Variants in BPHL observed in about 807,000 individuals in gnomAD.
BPHL encodes biphenyl hydrolase like, also known as serine hydrolase BPHL.
Under a neutral mutation model 31.2 loss-of-function variants are expected in BPHL, and 27 were observed. That is an observed-to-expected ratio of 0.87 (90% confidence interval 0.64 to 1.19). BPHL has a LOEUF of 1.19. Among genes scored for constraint, BPHL ranks in the 50% most tolerant of loss-of-function variants. The pLI is 0.00. For synonymous variants in BPHL, 150 were observed against 146.8 expected, an observed-to-expected ratio of 1.02 and a Z score of -0.16; for missense variants, 356 against 375.7, an observed-to-expected ratio of 0.95 and a Z score of 0.43.
chr6:3,126,444 G>A (rs758997965), intron 2 of BPHL, among the ~76,000 whole-genome samples: 3 of 152,150 alleles, frequency 2.0e-5, no homozygotes, highest in African/African-American at 7.2e-5. Context: ...TTTAGAAAAG[G>A]AAGATTAAGC....
chr6:3,128,405 C>G (rs1387710382), intron 3 of BPHL, among the ~76,000 whole-genome samples: 1 of 152,200 alleles, frequency 6.6e-6, no homozygotes, highest in Non-Finnish European at 1.5e-5. Flanking sequence ...CAGCAAATAT[C>G]TTGGAGTAAT....
intron 4 of BPHL, among the ~76,000 whole-genome samples, chr6:3,135,031 C>T (rs534069167): frequency 3.3e-5 from 5 of 152,310 alleles, no homozygotes; most frequent in African/African-American, 4.8e-5. Context: ...GCCACCATGC[C>T]GCCCGGCCTC....
chr6:3,151,637 C>T (rs2143379), intron 6 of BPHL, among the ~76,000 whole-genome samples: 12,857 of 152,250 alleles, frequency 0.084, 792 homozygotes, highest in African/African-American at 0.17. Context: ...CTTTTAATGT[C>T]TAATTATCAT....
intron 6 of BPHL, among the ~76,000 whole-genome samples, chr6:3,143,094 C>G (rs1244178256): frequency 2.6e-5 from 4 of 152,092 alleles, no homozygotes; most frequent in Admixed American, 6.5e-5. Flanking sequence ...TCGTGGGCAC[C>G]CGTAATCCCA....
intron 5 of BPHL, chr6:3,137,898 T>A (rs2113763829): frequency 1.1e-6 from 1 of 916,212 alleles, no homozygotes; most frequent in African/African-American, 1.8e-5. Flanking sequence ...TAGATGTGTC[T>A]CCCCACGAGG....
intron 6 of BPHL, among the ~76,000 whole-genome samples, chr6:3,147,647 T>C (rs1581489449): frequency 1.3e-5 from 2 of 152,172 alleles, no homozygotes; most frequent in East Asian, 3.9e-4. Flanking sequence ...CGTATATGTG[T>C]GTATGTATAT....
chr6:3,123,126 A>T (rs1298759892), intron 1 of BPHL, among the ~76,000 whole-genome samples: 1 of 152,256 alleles, frequency 6.6e-6, no homozygotes, highest in Non-Finnish European at 1.5e-5. Flanking sequence ...TGGGCACAAT[A>T]GCGTATTCAA....
In BPHL at chr6:3,127,256, G is replaced by C. The variant is rs770340688; in HGVS notation, c.226G>C (p.Asp76His). 2 of 1,557,748 alleles carry C rather than the reference G, an allele frequency of 1.3e-6. No homozygotes were observed. The highest frequency in any genetic ancestry group is 1.7e-4 in the Middle Eastern group (1 of 5,808). The change falls in exon 3 of 7, where the codon GAT becomes CAT. Residue 76 changes from aspartate to histidine, a missense_variant. By Grantham distance (81) the Asp-to-His change is moderately conservative. Coordinates refer to ENST00000380379, the MANE Select transcript of BPHL (RefSeq NM_004332.4). ...LPGMLGSGETDFGPQLKNLNK... is the reference protein window; with the variant it reads ...LPGMLGSGETHFGPQLKNLNK... ...GCTGTTTTTAGGAAGTGGAGAGACT[G>C]ATTTTGGACCTCAGCTCAAGAACCT... is the stretch of plus-strand genomic sequence containing the variant.
chr6:3,145,183 G>T (rs1487232686), intron 6 of BPHL, among the ~76,000 whole-genome samples: 4 of 23,880 alleles, frequency 1.7e-4, no homozygotes, highest in Admixed American at 2.9e-4. Flanking sequence ...TGCTGGTTCG[G>T]GGTGGAGTGC....
chr6:3,119,302 A>C (rs1056110892), intron 1 of BPHL: 1 of 1,546,150 alleles, frequency 6.5e-7, no homozygotes, highest in East Asian at 2.4e-5. Flanking sequence ...CCTGAGCCTG[A>C]GTACCGCTAA....
chr6:3,126,486 A>C (rs1214384061), intron 2 of BPHL, among the ~76,000 whole-genome samples: 1 of 152,182 alleles, frequency 6.6e-6, no homozygotes, highest in East Asian at 1.9e-4. Flanking sequence ...GAAATAATAC[A>C]GAAGCAAAGG....
rs201207918 is a variant in BPHL at position 3,129,209 on chromosome 6, C to A, written c.532+11C>A. On this transcript the variant is annotated intron_variant, in intron 4 of 6. Transcript: ENST00000380379. ...GCATGATATATGAGGGTAGGTTCTGCGAAGGGGAGATGCCGGGACGGCAGA... is the reference window on the plus strand; with the variant it reads ...GCATGATATATGAGGGTAGGTTCTGAGAAGGGGAGATGCCGGGACGGCAGA... 2.6e-6 allele frequency: 4 copies of A among 1,543,796 alleles called. No homozygotes were observed. In the East Asian group the frequency reaches 9.0e-5, roughly 35 times the overall value.
Position 3,119,727 on chromosome 6 carries a change from T to C in BPHL, c.107+880T>C, listed in dbSNP as rs935076599. On this transcript the variant is annotated intron_variant, in intron 1 of 6. Coordinates refer to ENST00000380379, the MANE Select transcript of BPHL (RefSeq NM_004332.4). ...GCAGTTGACTGTTGATGGGCTACTT[T>C]CATAAAGTCAGTACTAGATAGGTAC... 4.6e-5 allele frequency among the ~76,000 whole-genome samples: 7 copies of C among 152,326 alleles called. No homozygotes were observed. The South Asian group carries it at 1.4e-3, about 32-fold the overall frequency.
intron 1 of BPHL, chr6:3,119,491 C>G (rs1761499683): frequency 6.2e-7 from 1 of 1,613,002 alleles, no homozygotes; most frequent in Non-Finnish European, 8.5e-7. Flanking sequence ...CTTTTGTCCT[C>G]CCACCTGTCC....
intron 1 of BPHL, 89 bp downstream of exon 1, chr6:3,118,936 C>A: frequency 1.8e-6 from 2 of 1,093,972 alleles, no homozygotes; most frequent in South Asian, 4.4e-5. Context: ...CAGGAGTTCC[C>A]GGCGCGCGGG....
chr6:3,128,411 G>A (rs372332574), intron 3 of BPHL, among the ~76,000 whole-genome samples: 1 of 152,296 alleles, frequency 6.6e-6, no homozygotes, highest in East Asian at 1.9e-4. Flanking sequence ...ATATCTTGGA[G>A]TAATATTAAT....
chr6:3,146,464 G>A lies in BPHL; in HGVS notation c.788+5955G>A, dbSNP rs575651843. The stretch of plus-strand genomic sequence containing the variant: ...CTGGTTTGGGTCGGAGTGCTGGTTC[G>A]GGTTGGAGTGCTGGTTCCAGCTGGA... On this transcript the variant is annotated intron_variant, in intron 6 of 6. Transcript: ENST00000380379. Among the ~76,000 whole-genome samples, 63 of 141,984 alleles carry A rather than the reference G, an allele frequency of 4.4e-4. 1 individual carries two copies. The highest frequency in any genetic ancestry group is 1.6e-3 in the African/African-American group (59 of 35,944). The allele number at this position is 141,984 out of a possible 152,430, so 93.1% of individuals were successfully genotyped here.
intron 6 of BPHL, among the ~76,000 whole-genome samples, chr6:3,144,192 C>G (rs553014014): frequency 1.3e-5 from 2 of 152,106 alleles, no homozygotes; most frequent in Admixed American, 6.5e-5. Context: ...CTCAGCCTCC[C>G]GAGTAGCTGG....
chr6:3,142,968 C>T (rs1249675996), intron 6 of BPHL, among the ~76,000 whole-genome samples: 3 of 152,178 alleles, frequency 2.0e-5, no homozygotes, highest in Admixed American at 1.3e-4. Context: ...CCTGTAATCC[C>T]AGCACTTTGG....
Sources: gnomAD v4.1 joint callset for allele counts (sites outside exome capture counted in the v4.1 genomes callset) on GRCh38, gnomAD v4.1.1 for gene constraint, MANE v1.5 for transcripts, NCBI Gene and HGNC (gene_info 2026-07-23, HGNC 2026-07-21) for gene names.